C14orf39: variants seen among roughly 807,000 people sequenced by gnomAD.
C14orf39 encodes chromosome 14 open reading frame 39, also known as protein SIX6OS1.
C14orf39 carries 66 observed loss-of-function variants against 85.6 expected under a neutral mutation model. The observed-to-expected ratio is 0.77, with a 90% confidence interval of 0.63 to 0.95. C14orf39 has a LOEUF of 0.95. Among genes scored for constraint, C14orf39 ranks in the 40% least tolerant of loss-of-function variants. C14orf39 has a pLI of 0.00. For missense variants in C14orf39, 735 were observed against 663.9 expected (o/e 1.11, Z -1.18); for synonymous variants, 242 against 214.0 (o/e 1.13, Z -1.14).
chr14:60,480,448 TAAC>T (rs1486243500), intron 4 of C14orf39, among the ~76,000 whole-genome samples: 1 of 151,918 alleles, frequency 6.6e-6, no homozygotes, highest in Non-Finnish European at 1.5e-5. Flanking sequence ...AAAAGGTGAA[TAAC>T]AACAAGTGTT....
At chr14:60,437,132 A>G in intron 17 of C14orf39, 85 bp from the exon 18 acceptor site, 1 of 845,766 alleles carries the variant, frequency 1.2e-6, no homozygotes. Context: ...TACTGCATAC[A>G]ATAAATATGG....
At chr14:60,482,653 A>G (rs1892691781) in intron 4 of C14orf39, among the ~76,000 whole-genome samples, 1 of 152,220 alleles carries the variant, frequency 6.6e-6, no homozygotes, top group Non-Finnish European at 1.5e-5. Flanking sequence ...ATGTGGAAGT[A>G]TATCTGTACA....
intron 1 of C14orf39, among the ~76,000 whole-genome samples, chr14:60,508,543 G>C (rs1349811606): frequency 6.6e-6 from 1 of 152,188 alleles, no homozygotes; most frequent in African/African-American, 2.4e-5. Context: ...AGTAAGGCTA[G>C]AGTTCAAACT....
intron 1 of C14orf39, among the ~76,000 whole-genome samples, chr14:60,508,781 CT>C (rs973306604): frequency 2.0e-5 from 3 of 152,158 alleles, no homozygotes; most frequent in African/African-American, 7.2e-5. Flanking sequence ...GCCCAGTCCT[CT>C]TTGTCCTCTG....
At chr14:60,437,433 A>G (rs1170635373) in intron 17 of C14orf39, among the ~76,000 whole-genome samples, 1 of 152,048 alleles carries the variant, frequency 6.6e-6, no homozygotes, top group East Asian at 1.9e-4. Context: ...ATAAAGATGT[A>G]TTAAGTGGAA....
At position 60,466,051 on chromosome 14, in the gene C14orf39, T is replaced by C. The variant is rs770717884; in HGVS notation, c.900A>G (p.Ile300Met). ...MHSSEPRVAD[I>M]KEESSAKQSK... ...ACTGCTTCGCAGAACTTTCTTCTTTTATATCTAGATTATTAAATAGTACTA... is the reference window on the plus strand; with the variant it reads ...ACTGCTTCGCAGAACTTTCTTCTTTCATATCTAGATTATTAAATAGTACTA... The change falls in exon 11 of 18, where the codon ATA becomes ATG. Residue 300 changes from isoleucine (I) to methionine (M), a missense_variant. By Grantham distance (10) the Ile-to-Met change is conservative. Transcript: ENST00000321731. The C allele has an allele frequency of 5.4e-6, 8 of 1,482,486 alleles. No individual in the cohort carries two copies. Among genetic ancestry groups the C allele is most frequent in the South Asian group, 2.6e-5 (2 of 77,552 alleles). 91.8% of individuals were successfully genotyped at this position (1,482,486 alleles called of 1,614,324 possible).
chr14:60,449,712 T>G (rs964790240), intron 16 of C14orf39, among the ~76,000 whole-genome samples: 1 of 152,214 alleles, frequency 6.6e-6, no homozygotes, highest in Non-Finnish European at 1.5e-5. Flanking sequence ...TTCACTGATT[T>G]CTCTTATTTT....
chr14:60,462,719 G>A (rs1045970050), intron 11 of C14orf39, among the ~76,000 whole-genome samples: 3 of 151,994 alleles, frequency 2.0e-5, no homozygotes, highest in East Asian at 1.9e-4. Flanking sequence ...AGTCCAAAAC[G>A]GCTCTGACTG....
upstream of C14orf39, among the ~76,000 whole-genome samples, chr14:60,487,283 C>T (rs1892912553): frequency 6.6e-6 from 1 of 152,164 alleles, no homozygotes; most frequent in South Asian, 2.1e-4. Flanking sequence ...ATTCCCACCT[C>T]CTCCCTCCCC....
chr14:60,513,974 T>G (rs1466341362), intron 1 of C14orf39, among the ~76,000 whole-genome samples: 1 of 152,248 alleles, frequency 6.6e-6, no homozygotes, highest in Non-Finnish European at 1.5e-5. Flanking sequence ...TCTGGATATT[T>G]ATTTATTTAA....
intron 1 of C14orf39, chr14:60,509,432 C>T: frequency 6.3e-7 from 1 of 1,599,692 alleles, no homozygotes; most frequent in Non-Finnish European, 8.5e-7. Flanking sequence ...TTTCAGCCCC[C>T]AGCAAGTGGC....
intron 5 of C14orf39, among the ~76,000 whole-genome samples, chr14:60,477,533 A>G (rs1595480369): frequency 1.3e-5 from 2 of 152,226 alleles, no homozygotes; most frequent in African/African-American, 4.8e-5. Context: ...ATGTGATTAT[A>G]CATATAATAA....
intron 16 of C14orf39, among the ~76,000 whole-genome samples, chr14:60,454,600 T>C (rs1176277940): frequency 6.6e-6 from 1 of 152,010 alleles, no homozygotes; most frequent in Non-Finnish European, 1.5e-5. Context: ...AAACCAATAT[T>C]AGGTCTTTTA....
chr14:60,510,434 G>A (rs927296836), intron 1 of C14orf39, among the ~76,000 whole-genome samples: 1 of 152,272 alleles, frequency 6.6e-6, no homozygotes, highest in African/African-American at 2.4e-5. Flanking sequence ...AGTTTTCAAT[G>A]GACTTTTGAG....
At chr14:60,491,014 A>G (rs553603757), upstream of C14orf39, among the ~76,000 whole-genome samples, 6 of 152,320 alleles carry the variant, frequency 3.9e-5, no homozygotes, top group East Asian at 1.2e-3. The surrounding 1 kb of genome is among the most constrained non-coding windows in gnomAD (Gnocchi z 4.5). Context: ...CTTTCCAAAC[A>G]TAAGAATTGG....
At position 60,442,136 on chromosome 14, in the gene C14orf39, A is replaced by C; in HGVS notation, c.1504-5T>G. 6.3e-7 allele frequency: 1 copy of C among 1,575,416 alleles called. No individual in the cohort carries two copies. The highest frequency in any genetic ancestry group is 1.3e-5 in the African/African-American group (1 of 74,204). On this transcript the variant is annotated splice_polypyrimidine_tract_variant and splice_region_variant and intron_variant, in intron 16 of 17. Coordinates refer to ENST00000321731, the MANE Select transcript of C14orf39 (RefSeq NM_174978.3). ...TGCAGAATAATGTTCATTAAACTGG[A>C]AAATAATTTCCATTAAATATTACTT...
Position 60,484,834 on chromosome 14 carries a change from T to C in C14orf39, c.106+47A>G, listed in dbSNP as rs138391685. 1,426 of 1,333,160 alleles carry C rather than the reference T, an allele frequency of 1.1e-3. 21 individuals carry two copies. In the East Asian group the frequency reaches 0.028, roughly 27 times the overall value. The allele number at this position is 1,333,160 out of a possible 1,614,324, so 82.6% of individuals were successfully genotyped here. A position where few individuals can be genotyped will look rare whatever the true frequency, so the allele number is the denominator to read the frequency against. On this transcript the variant is annotated intron_variant, in intron 3 of 17. Transcript: ENST00000321731. The surrounding 1 kb of genome is among the most constrained non-coding windows in gnomAD (Gnocchi z 4.2). ...CAGAGCAATTGTATGTTATATGCCA[T>C]AAGGAATTAAAAGACTAAAATATCT... is the stretch of plus-strand genomic sequence containing the variant.
At chr14:60,488,804 T>C (rs978705910), upstream of C14orf39, among the ~76,000 whole-genome samples, 2 of 152,082 alleles carry the variant, frequency 1.3e-5, no homozygotes, top group African/African-American at 4.8e-5. Flanking sequence ...CCAAATCTTA[T>C]GGTCTTTTCT....
intron 16 of C14orf39, among the ~76,000 whole-genome samples, chr14:60,446,013 A>G (rs1374608639): frequency 6.6e-6 from 1 of 152,212 alleles, no homozygotes; most frequent in African/African-American, 2.4e-5. Flanking sequence ...TTTGAAACCA[A>G]TGAGAACAAA....
Sources: gnomAD v4.1 joint callset for allele counts (sites outside exome capture counted in the v4.1 genomes callset) on GRCh38, gnomAD v4.1.1 for gene constraint, Gnocchi (gnomAD v3.1) non-coding constraint, MANE v1.5 for transcripts, NCBI Gene and HGNC (gene_info 2026-07-23, HGNC 2026-07-21) for gene names.